TMEM40: variants seen among roughly 807,000 people sequenced by gnomAD.
TMEM40 encodes transmembrane protein 40.
TMEM40 carries 34 observed loss-of-function variants against 40.8 expected under a neutral mutation model. The ratio of observed to expected loss-of-function variants is 0.83; its 90% CI spans 0.63 to 1.11. The LOEUF (loss-of-function observed/expected upper bound fraction) is 1.11, where lower values mean the gene tolerates loss of function less well. Ranked by LOEUF, TMEM40 falls within the 50% of genes least tolerant of loss-of-function variation. The pLI is 0.00. For missense variants in TMEM40, 296 were observed against 280.2 expected (o/e 1.06, Z -0.40); for synonymous variants, 106 against 107.0 (o/e 0.99, Z 0.06).
At position 12,738,010 on chromosome 3, in the gene TMEM40, A is replaced by G. The variant is rs2061350371; in HGVS notation, c.424+126T>C. 8.9e-6 allele frequency: 11 copies of G among 1,232,426 alleles called. 1 individual carries two copies. In the South Asian group the frequency reaches 1.1e-4, roughly 13 times the overall value. 76.3% of individuals were successfully genotyped at this position (1,232,426 alleles called of 1,614,324 possible). A position where few individuals can be genotyped will look rare whatever the true frequency, so the allele number is the denominator to read the frequency against. On this transcript the variant is annotated intron_variant, in intron 7 of 11. Coordinates refer to ENST00000314124, the MANE Select transcript of TMEM40 (RefSeq NM_018306.4). ...ACTGGAGATCCCCCTTCTGAATCAT[A>G]GTGACACTGGCTGGCGACAGCATCC...
At chr3:12,752,560 A>AG (rs1013115740) in intron 1 of TMEM40, among the ~76,000 whole-genome samples, 3 of 152,110 alleles carry the variant, frequency 2.0e-5, no homozygotes, top group Non-Finnish European at 2.9e-5. Context: ...GGACTTTGGG[A>AG]GGCTGAGGCG....
At chr3:12,749,880 G>C (rs763459353) in intron 1 of TMEM40, 40 bp from the exon 2 acceptor site, 2 of 1,550,266 alleles carry the variant, frequency 1.3e-6, no homozygotes, top group Admixed American at 3.5e-5. Context: ...TATCACCTTA[G>C]TTAATATCTT....
intron 1 of TMEM40, among the ~76,000 whole-genome samples, chr3:12,768,941 G>T (rs2061608582): frequency 2.2e-5 from 3 of 137,698 alleles, no homozygotes; most frequent in Non-Finnish European, 4.8e-5. Flanking sequence ...GGGCGGGGGG[G>T]GCGGGGGGGG....
intron 7 of TMEM40, 40 bp from the exon 8 acceptor site, chr3:12,737,794 A>G: frequency 6.3e-7 from 1 of 1,591,164 alleles, no homozygotes; most frequent in Non-Finnish European, 8.6e-7. Context: ...ACTTTGATGC[A>G]GGACGGGAGG....
At chr3:12,736,950 C>T in intron 8 of TMEM40, 115 bp from the exon 9 acceptor site, 1 of 1,295,522 alleles carries the variant, frequency 7.7e-7, no homozygotes, top group Non-Finnish European at 1.1e-6. Flanking sequence ...GCGATCCCAG[C>T]TCATTGCAGC....
Position 12,743,918 on chromosome 3 carries a change from G to C in TMEM40, c.283C>G (p.His95Asp). The C allele has an allele frequency of 1.2e-5, 19 of 1,613,380 alleles. No individual in the cohort carries two copies. Among genetic ancestry groups the C allele is most frequent in the Non-Finnish European group, 1.4e-5 (17 of 1,179,754 alleles). Residue 95 changes from histidine to aspartate, a missense_variant, in exon 4 of 12, where the codon CAC becomes GAC. Coordinates refer to ENST00000314124, the MANE Select transcript of TMEM40 (RefSeq NM_018306.4). ...HRRSLGAGYP[H>D]GNGSPGPGHG... ...TTCCTACCGGGTGAGCCGTTCCCGT[G>C]GGGGTATCCAGCCCCCAGGCTCCGT...
intron 1 of TMEM40, among the ~76,000 whole-genome samples, chr3:12,755,371 C>T (rs79874646): frequency 0.11 from 16,033 of 151,000 alleles, 1,510 homozygotes; most frequent in African/African-American, 0.25. Flanking sequence ...GAACTGTTGA[C>T]CTTGAGCAAT....
chr3:12,750,084 T>C (rs1426478556), intron 1 of TMEM40, among the ~76,000 whole-genome samples: 3 of 151,704 alleles, frequency 2.0e-5, no homozygotes, highest in Non-Finnish European at 1.5e-5. Context: ...GGGGGCTTCA[T>C]GAAGGAAATC....
At chr3:12,746,235 G>A (rs79701636) in intron 3 of TMEM40, among the ~76,000 whole-genome samples, 2,277 of 151,520 alleles carry the variant, frequency 0.015, 55 homozygotes, top group African/African-American at 0.049. Context: ...AATAATAACC[G>A]CGGCAGAAAG....
At chr3:12,748,592 G>T in intron 3 of TMEM40, 63 bp downstream of exon 3, 1 of 1,562,708 alleles carries the variant, frequency 6.4e-7, no homozygotes, top group Non-Finnish European at 8.6e-7. Context: ...AAGTATGGGG[G>T]ATTATTTCCC....
intron 1 of TMEM40, among the ~76,000 whole-genome samples, chr3:12,753,911 CTG>C (rs1472209338): frequency 2.0e-5 from 3 of 152,186 alleles, no homozygotes; most frequent in Non-Finnish European, 4.4e-5. Context: ...ACAGAGCACA[CTG>C]AGCCATCACA....
Position 12,734,741 on chromosome 3 carries a change from G to T in TMEM40, c.*33C>A. 6.3e-7 allele frequency: 1 copy of T among 1,584,366 alleles called. No homozygotes were observed. The highest frequency in any genetic ancestry group is 2.3e-5 in the East Asian group (1 of 43,044). Reference sequence around the variant, plus strand: ...AGGGGTCGCAGTGGTGGTCACACTGGGGCCTGCCTCTGCTGCCCACCTGGA... The same window carrying T: ...AGGGGTCGCAGTGGTGGTCACACTGTGGCCTGCCTCTGCTGCCCACCTGGA... On this transcript the variant is annotated 3_prime_UTR_variant, in exon 12 of 12. Coordinates refer to ENST00000314124, the MANE Select transcript of TMEM40 (RefSeq NM_018306.4).
At chr3:12,762,222 G>T (rs1369155545), upstream of TMEM40, among the ~76,000 whole-genome samples, 1 of 152,176 alleles carries the variant, frequency 6.6e-6, no homozygotes, top group East Asian at 1.9e-4. Flanking sequence ...CTCCAGCCCT[G>T]GGTTCCCAAA....
chr3:12,768,502 C>T (rs372144070), intron 1 of TMEM40, among the ~76,000 whole-genome samples: 18 of 152,100 alleles, frequency 1.2e-4, no homozygotes, highest in East Asian at 9.7e-4. Context: ...TTGGTGTATT[C>T]ACAATCCCTT....
intron 5 of TMEM40, among the ~76,000 whole-genome samples, chr3:12,741,064 G>T (rs771884730): frequency 2.6e-5 from 4 of 152,226 alleles, no homozygotes; most frequent in African/African-American, 9.7e-5. Context: ...ATGCCATCTT[G>T]CTGGCTTCTA....
intron 1 of TMEM40, among the ~76,000 whole-genome samples, chr3:12,766,056 T>C (rs1429533131): frequency 6.6e-6 from 1 of 151,752 alleles, no homozygotes; most frequent in African/African-American, 2.4e-5. Flanking sequence ...AAGAGGGTTT[T>C]GCCATGTTGT....
chr3:12,763,099 G>A (rs915071898), upstream of TMEM40, among the ~76,000 whole-genome samples: 10 of 146,604 alleles, frequency 6.8e-5, no homozygotes, highest in African/African-American at 2.6e-4. Flanking sequence ...GGCGGAGCTT[G>A]CAGTGAGCCG....
At chr3:12,754,253 A>G (rs994484314) in intron 1 of TMEM40, among the ~76,000 whole-genome samples, 1 of 152,186 alleles carries the variant, frequency 6.6e-6, no homozygotes, top group African/African-American at 2.4e-5. Context: ...TGGAGCTGGC[A>G]GTGAGCCGAG....
chr3:12,762,170 G>C (rs1317006255), upstream of TMEM40, among the ~76,000 whole-genome samples: 1 of 151,846 alleles, frequency 6.6e-6, no homozygotes, highest in East Asian at 1.9e-4. Flanking sequence ...AGGGTCTGCT[G>C]TGTTGCCCAG....
Sources: allele counts gnomAD v4.1 joint callset (sites outside exome capture counted in the v4.1 genomes callset), GRCh38; gene constraint gnomAD v4.1.1; transcripts MANE v1.5; gene names NCBI Gene and HGNC (gene_info 2026-07-23, HGNC 2026-07-21).